The following ITIH5 variants were observed in gnomAD, a reference collection of about 807,000 sequenced individuals.
ITIH5 encodes inter-alpha-trypsin inhibitor heavy chain 5.
ITIH5 carries 65 observed loss-of-function variants against 77.5 expected under a neutral mutation model. That is an observed-to-expected ratio of 0.84 (90% CI 0.69 to 1.03). The LOEUF (loss-of-function observed/expected upper bound fraction) is 1.03, where lower values mean the gene tolerates loss of function less well. Among genes scored for constraint, ITIH5 ranks in the 50% least tolerant of loss-of-function variants. The probability of loss-of-function intolerance (pLI) is 0.00; values close to 1 mark genes in which losing one functional copy is unlikely to be tolerated. For synonymous variants in ITIH5, 525 were observed against 494.3 expected (o/e 1.06, Z -0.82); for missense variants, 1,208 against 1,213.1 (o/e 1.00, Z 0.06).
chr10:7,565,112 A>C (rs11593159), intron 13 of ITIH5, among the ~76,000 whole-genome samples: 10,325 of 138,678 alleles, frequency 0.074, 427 homozygotes, highest in Middle Eastern at 0.093. Context: ...ACATATACAG[A>C]CTGTGTATAT....
chr10:7,613,846 C>T (rs1833308307), intron 7 of ITIH5, among the ~76,000 whole-genome samples: 1 of 152,140 alleles, frequency 6.6e-6, no homozygotes, highest in Non-Finnish European at 1.5e-5. Context: ...AGAAATATGC[C>T]AGCTCCTAAG....
chr10:7,581,721 CTTTTTTT>C (rs142992412), intron 8 of ITIH5, among the ~76,000 whole-genome samples: 1 of 101,724 alleles, frequency 9.8e-6, no homozygotes, highest in Non-Finnish European at 1.9e-5. Flanking sequence ...TCTTTTCCTT[CTTTTTTT>C]TTTTTTTTTT....
At chr10:7,619,627 A>T (rs1285172177) in intron 5 of ITIH5, 1 of 385,654 alleles carries the variant, frequency 2.6e-6, no homozygotes, top group Admixed American at 2.7e-5. Context: ...AATCACGCAG[A>T]AGGCAAACGC....
chr10:7,604,521 T>C (rs1233983140), intron 7 of ITIH5, among the ~76,000 whole-genome samples: 1 of 152,242 alleles, frequency 6.6e-6, no homozygotes, highest in Non-Finnish European at 1.5e-5. Flanking sequence ...GTGTCTTCCT[T>C]ACCAGCAAGA....
intron 5 of ITIH5, 25 bp from the exon 6 acceptor site, chr10:7,617,307 TAATAA>T: frequency 7.3e-7 from 1 of 1,375,834 alleles, no homozygotes; most frequent in East Asian, 2.7e-5. Context: ...GAAACATAAT[TAATAA>T]CTTAATATAT....
chr10:7,636,176 C>CA (rs1156274112), intron 5 of ITIH5, among the ~76,000 whole-genome samples: 2 of 150,864 alleles, frequency 1.3e-5, no homozygotes, highest in Non-Finnish European at 3.0e-5. Flanking sequence ...AGCCCCCTCC[C>CA]AAAAAAAGAA....
In ITIH5 at chr10:7,661,599, TTAGC is replaced by T. The variant is rs530743805; in HGVS notation, c.90+5200_90+5203del. On this transcript the variant is annotated intron_variant, in intron 1 of 13. Transcript: ENST00000397146. The stretch of plus-strand genomic sequence containing the variant: ...GAAAGTAATGTTGCTGCAAGTTTGT[TTAGC>T]TATTAATCATTTGCAATTTGGGATG... Among the ~76,000 whole-genome samples, 348 of 152,340 alleles carry T rather than the reference TTAGC, an allele frequency of 2.3e-3. 1 individual carries two copies. The highest frequency in any genetic ancestry group is 7.9e-3 in the African/African-American group (328 of 41,582).
rs796478896 is a variant in ITIH5 at position 7,624,857 on chromosome 10, G to GTATATATATGTATATACACA, written c.653-7576_653-7575insTGTGTATATACATATATATA. ...TACATGTATATACACATATATATGT[G>GTATATATATGTATATACACA]TATATATGTATATATGTATGTATAT... On this transcript the variant is annotated intron_variant, in intron 5 of 13. Coordinates refer to ENST00000397146, the MANE Select transcript of ITIH5 (RefSeq NM_030569.7). Among the ~76,000 whole-genome samples the GTATATATATGTATATACACA allele has an allele frequency of 1.4e-4, 8 of 56,126 alleles. 1 individual carries two copies. Among genetic ancestry groups the GTATATATATGTATATACACA allele is most frequent in the African/African-American group, 4.2e-4 (7 of 16,738 alleles). The allele number at this position is 56,126 out of a possible 152,430, so 36.8% of individuals were successfully genotyped here. A position where few individuals can be genotyped will look rare whatever the true frequency, so the allele number is the denominator to read the frequency against.
At chr10:7,630,489 G>A (rs561545769) in intron 5 of ITIH5, among the ~76,000 whole-genome samples, 15 of 152,318 alleles carry the variant, frequency 9.8e-5, no homozygotes, top group African/African-American at 2.6e-4. Flanking sequence ...CCCAAGGCTT[G>A]TAACTTTCCT....
rs552773369 is a variant in ITIH5, at chr10:7,623,233, A to G, written c.653-5951T>C. On this transcript the variant is annotated intron_variant, in intron 5 of 13. Coordinates refer to ENST00000397146, the MANE Select transcript of ITIH5 (RefSeq NM_030569.7). ...GGCTGCTGTCGGAGAAAAGCAGCCAACACCTGGTGCATTGACAAAAGGATT... is the reference window on the plus strand; with the variant it reads ...GGCTGCTGTCGGAGAAAAGCAGCCAGCACCTGGTGCATTGACAAAAGGATT... Among the ~76,000 whole-genome samples the G allele has an allele frequency of 2.6e-5, 4 of 152,298 alleles. No homozygotes were observed. In the East Asian group the frequency reaches 7.7e-4, roughly 29 times the overall value.
intron 7 of ITIH5, among the ~76,000 whole-genome samples, chr10:7,614,662 G>A (rs1023760310): frequency 6.6e-6 from 1 of 152,114 alleles, no homozygotes; most frequent in Non-Finnish European, 1.5e-5. Context: ...CTCTATTGGA[G>A]TGTAGGAAAA....
rs148277808 is a variant in ITIH5 at position 7,569,521 on chromosome 10, G to A, written c.2149+147C>T. 586 of 522,916 alleles carry A rather than the reference G, an allele frequency of 1.1e-3. 1 individual carries two copies. The highest frequency in any genetic ancestry group is 0.01 in the African/African-American group (543 of 52,362). The allele number at this position is 522,916 out of a possible 1,614,324, so 32.4% of individuals were successfully genotyped here. A position where few individuals can be genotyped will look rare whatever the true frequency, so the allele number is the denominator to read the frequency against. ...GAGTCGGATGCATAAGTCCAGGAGC[G>A]CAGTGCGCTTCCCTTAACCACTGAC... On this transcript the variant is annotated intron_variant, in intron 12 of 13. Coordinates refer to ENST00000397146, the MANE Select transcript of ITIH5 (RefSeq NM_030569.7).
chr10:7,576,405 A>G, intron 10 of ITIH5, 48 bp downstream of exon 10: 1 of 1,433,868 alleles, frequency 7.0e-7, no homozygotes, highest in Non-Finnish European at 9.2e-7. Context: ...GGTGAGTGGT[A>G]TCTCAGGCCC....
At chr10:7,602,600 A>C (rs1451753770) in intron 7 of ITIH5, among the ~76,000 whole-genome samples, 5 of 152,086 alleles carry the variant, frequency 3.3e-5, no homozygotes, top group African/African-American at 1.2e-4. Flanking sequence ...TTCTGCCATG[A>C]TAGTAAGTTT....
rs1037814078 is a variant in ITIH5 at position 7,567,349 on chromosome 10, A to ATTATTC, written c.2150-943_2150-942insGAATAA. ...TATTATTATTATTATTATTATTATT[A>ATTATTC]TTATTATACTTTAGGTTTTAGAGTA... On this transcript the variant is annotated intron_variant, in intron 12 of 13. Coordinates refer to ENST00000397146, the MANE Select transcript of ITIH5 (RefSeq NM_030569.7). Among the ~76,000 whole-genome samples, 19 of 148,430 alleles carry ATTATTC rather than the reference A, an allele frequency of 1.3e-4. No individual in the cohort carries two copies. In the East Asian group the frequency reaches 2.8e-3, roughly 22 times the overall value.
intron 5 of ITIH5, 90 bp downstream of exon 5, chr10:7,637,138 G>A: frequency 6.9e-7 from 1 of 1,451,136 alleles, no homozygotes; most frequent in Non-Finnish European, 9.3e-7. Flanking sequence ...CTGAAGGGAA[G>A]GGTGCCATCT....
At chr10:7,600,627 C>G in intron 7 of ITIH5, 1 of 456,088 alleles carries the variant, frequency 2.2e-6, no homozygotes, top group Non-Finnish European at 4.4e-6. Context: ...ATCAGAACAT[C>G]CTTCTTCAAG....
In ITIH5 at chr10:7,595,901, G is replaced by A. The variant is rs1416980958; in HGVS notation, c.940-9832C>T. 9.9e-5 allele frequency among the ~76,000 whole-genome samples: 15 copies of A among 152,194 alleles called. No individual in the cohort carries two copies. In the East Asian group the frequency reaches 1.2e-3, roughly 12 times the overall value. Reference sequence around the variant, plus strand: ...CACGTGCCTGTAGTCCCAGCTACTCGGGAGGCTGAAGCAGGAGAATCGCTT... The same window carrying A: ...CACGTGCCTGTAGTCCCAGCTACTCAGGAGGCTGAAGCAGGAGAATCGCTT... On this transcript the variant is annotated intron_variant, in intron 7 of 13. Coordinates refer to ENST00000397146, the MANE Select transcript of ITIH5 (RefSeq NM_030569.7).
chr10:7,576,837 C>A lies in ITIH5; in HGVS notation c.1594G>T (p.Ala532Ser). Residue 532 changes from alanine to serine, a missense_variant, in exon 10 of 14, where the codon GCC (alanine) becomes TCC (serine). Coordinates refer to ENST00000397146, the MANE Select transcript of ITIH5 (RefSeq NM_030569.7). The stretch of plus-strand genomic sequence containing the variant: ...ATGATGAATTTCTTACTGTTGCTGG[C>A]GGTGACCTCCACGTGCAGGTGATCC... ...KLDHLHVEVTASNSKKFIILK... is the reference protein window; with the variant it reads ...KLDHLHVEVTSSNSKKFIILK... 2 of 1,614,140 alleles carry A rather than the reference C, an allele frequency of 1.2e-6. No homozygotes were observed. The highest frequency in any genetic ancestry group is 1.7e-6 in the Non-Finnish European group (2 of 1,180,014).
Sources: allele counts gnomAD v4.1 joint callset (sites outside exome capture counted in the v4.1 genomes callset), GRCh38; gene constraint gnomAD v4.1.1; transcripts MANE v1.5; gene names NCBI Gene and HGNC (gene_info 2026-07-23, HGNC 2026-07-21).